SLC16A10: variants seen among roughly 807,000 people sequenced by gnomAD.
SLC16A10 encodes monocarboxylate transporter 10.
A neutral mutation model predicts 40.0 loss-of-function variants in SLC16A10; 27 were observed. That is an observed-to-expected ratio of 0.67 (90% CI 0.50 to 0.93). The LOEUF (loss-of-function observed/expected upper bound fraction) is 0.93, where lower values mean the gene tolerates loss of function less well. Ranked by LOEUF, SLC16A10 falls within the 40% of genes least tolerant of loss-of-function variation. The pLI, the probability that SLC16A10 is intolerant of heterozygous loss-of-function variation, is 0.00. For missense variants in SLC16A10, 529 were observed against 658.2 expected, an observed-to-expected ratio of 0.80 and a Z score of 2.15; for synonymous variants, 213 against 249.8, an observed-to-expected ratio of 0.85 and a Z score of 1.39.
intron 1 of SLC16A10, among the ~76,000 whole-genome samples, chr6:111,168,501 G>A (rs560611672): frequency 2.0e-4 from 30 of 152,266 alleles, no homozygotes; most frequent in African/African-American, 7.0e-4. Flanking sequence ...AGACTTGGAA[G>A]GGGTGAAAGA....
rs139179356 is a variant in SLC16A10 at position 111,102,138 on chromosome 6, T to C, written c.343+14043T>C. 9.8e-5 allele frequency among the ~76,000 whole-genome samples: 15 copies of C among 152,358 alleles called. No homozygotes were observed. The East Asian group carries it at 2.7e-3, about 27-fold the overall frequency. ...ACAACATATGTAGCATATCTGTATA[T>C]GTCGTCGAACAAATTGTTTTTTTCC... On this transcript the variant is annotated intron_variant, in intron 1 of 5. Transcript: ENST00000368851.
chr6:111,092,403 A>G (rs899961224), intron 1 of SLC16A10, among the ~76,000 whole-genome samples: 1 of 134,748 alleles, frequency 7.4e-6, no homozygotes, highest in Non-Finnish European at 1.5e-5. Context: ...CACTGCAACC[A>G]CTGCCTCCCG....
intron 3 of SLC16A10, among the ~76,000 whole-genome samples, chr6:111,193,483 T>C (rs354542): frequency 0.77 from 116,988 of 152,058 alleles, 45,793 homozygotes; most frequent in Non-Finnish European, 0.85. Context: ...CAAAACAAGC[T>C]TGTTTTTTCT....
At chr6:111,138,672 A>G (rs1771925488) in intron 1 of SLC16A10, among the ~76,000 whole-genome samples, 1 of 151,272 alleles carries the variant, frequency 6.6e-6, no homozygotes, top group Non-Finnish European at 1.5e-5. Flanking sequence ...TTTTTAAGAC[A>G]GGGTCTTGCT....
intron 1 of SLC16A10, among the ~76,000 whole-genome samples, chr6:111,157,210 C>T (rs575739611): frequency 2.8e-4 from 43 of 152,170 alleles, no homozygotes; most frequent in African/African-American, 6.7e-4. Flanking sequence ...TGAGCCACCG[C>T]GCCCAGACAA....
At chr6:111,196,126 C>T (rs1329559886) in intron 3 of SLC16A10, among the ~76,000 whole-genome samples, 1 of 152,158 alleles carries the variant, frequency 6.6e-6, no homozygotes, top group African/African-American at 2.4e-5. Context: ...CACCTGAGGT[C>T]AGGAGTTCGA....
rs1770889133 is a variant in SLC16A10, at chr6:111,087,602, T to TGCGCGCTGCCAGCCCGCCCGCCC, written c.-148_-126dup. 2 of 326,344 alleles carry TGCGCGCTGCCAGCCCGCCCGCCC rather than the reference T, an allele frequency of 6.1e-6. No individual in the cohort carries two copies. Among genetic ancestry groups the TGCGCGCTGCCAGCCCGCCCGCCC allele is most frequent in the Non-Finnish European group, 1.0e-5 (2 of 193,356 alleles). The allele number at this position is 326,344 out of a possible 1,614,324, so 20.2% of individuals were successfully genotyped here. A position where few individuals can be genotyped will look rare whatever the true frequency, so the allele number is the denominator to read the frequency against. Reference sequence around the variant, plus strand: ...CGCGGCCGCCTGCGCGCTGGCCGCCTGCGCGCTGCCAGCCCGCCCGCCCGC... The same window carrying TGCGCGCTGCCAGCCCGCCCGCCC: ...CGCGGCCGCCTGCGCGCTGGCCGCCTGCGCGCTGCCAGCCCGCCCGCCCGCGCGCTGCCAGCCCGCCCGCCCGC... On this transcript the variant is annotated 5_prime_UTR_variant, in exon 1 of 6. Coordinates refer to ENST00000368851, the MANE Select transcript of SLC16A10 (RefSeq NM_018593.5).
At position 111,230,602 on chromosome 6, in the gene SLC16A10, G is replaced by A. The variant is rs376063093; in HGVS notation, c.*8367G>A. ...AGATGTGTAAGATTGTAGAGGCATTGCACAATGCTTGATAAAAGTTGCATT... is the reference window on the plus strand; with the variant it reads ...AGATGTGTAAGATTGTAGAGGCATTACACAATGCTTGATAAAAGTTGCATT... On this transcript the variant is annotated 3_prime_UTR_variant, in exon 6 of 6. Transcript: ENST00000368851. 1 of 152,152 alleles carries A rather than the reference G, an allele frequency of 6.6e-6. No individual in the cohort carries two copies. The highest frequency in any genetic ancestry group is 1.9e-4 in the East Asian group (1 of 5,192). The allele number at this position is 152,152 out of a possible 1,614,324, so 9.4% of individuals were successfully genotyped here. A position where few individuals can be genotyped will look rare whatever the true frequency, so the allele number is the denominator to read the frequency against.
intron 5 of SLC16A10, 55 bp from the exon 6 acceptor site, chr6:111,221,948 A>T: frequency 6.5e-7 from 1 of 1,534,334 alleles, no homozygotes; most frequent in Non-Finnish European, 8.7e-7. Context: ...GCTGATCTAG[A>T]CCCCCTACAG....
At position 111,230,656 on chromosome 6, in the gene SLC16A10, T is replaced by G. The variant is rs1045608007; in HGVS notation, c.*8421T>G. The G allele has an allele frequency of 6.6e-6, 1 of 152,234 alleles. No individual in the cohort carries two copies. Among genetic ancestry groups the G allele is most frequent in the African/African-American group, 2.4e-5 (1 of 41,462 alleles). The allele number at this position is 152,234 out of a possible 1,614,324, so 9.4% of individuals were successfully genotyped here. A position where few individuals can be genotyped will look rare whatever the true frequency, so the allele number is the denominator to read the frequency against. On this transcript the variant is annotated 3_prime_UTR_variant, in exon 6 of 6. Transcript: ENST00000368851. ...CTTTTGTTCTTCCACCAGTTTATTT[T>G]AGCCTTAAAGTTATAGCTACAACAA...
chr6:111,158,167 T>G (rs1442286438), intron 1 of SLC16A10, among the ~76,000 whole-genome samples: 1 of 152,188 alleles, frequency 6.6e-6, no homozygotes, highest in Non-Finnish European at 1.5e-5. Flanking sequence ...CAAAATGTAG[T>G]CTGTCATTTT....
intron 4 of SLC16A10, among the ~76,000 whole-genome samples, chr6:111,218,398 G>C (rs148242335): frequency 6.6e-6 from 1 of 152,096 alleles, no homozygotes; most frequent in Non-Finnish European, 1.5e-5. Flanking sequence ...GCCCAACATG[G>C]GGAAGCCCCA....
Position 111,227,263 on chromosome 6 carries a change from G to A in SLC16A10, c.*5028G>A, listed in dbSNP as rs1353405685. The A allele has an allele frequency of 6.6e-6, 1 of 152,220 alleles. No homozygotes were observed. Among genetic ancestry groups the A allele is most frequent in the Non-Finnish European group, 1.5e-5 (1 of 68,048 alleles). The allele number at this position is 152,220 out of a possible 1,614,324, so 9.4% of individuals were successfully genotyped here. A position where few individuals can be genotyped will look rare whatever the true frequency, so the allele number is the denominator to read the frequency against. ...ATAACAAGGTAGACAAGCAGGCCCT[G>A]GGCTCACTATAATTTCATAGCCACG... On this transcript the variant is annotated 3_prime_UTR_variant, in exon 6 of 6. Coordinates refer to ENST00000368851, the MANE Select transcript of SLC16A10 (RefSeq NM_018593.5).
chr6:111,157,475 G>A (rs1772291974), intron 1 of SLC16A10, among the ~76,000 whole-genome samples: 1 of 151,852 alleles, frequency 6.6e-6, no homozygotes, highest in South Asian at 2.1e-4. Flanking sequence ...AGTAGAGATG[G>A]GTTTCATTAT....
chr6:111,221,931 T>A, intron 5 of SLC16A10, 72 bp from the exon 6 acceptor site: 2 of 1,402,738 alleles, frequency 1.4e-6, no homozygotes, highest in South Asian at 2.8e-5. Context: ...TCTGAATCAG[T>A]CCTGTGGCTG....
chr6:111,097,773 G>A (rs891752860), intron 1 of SLC16A10, among the ~76,000 whole-genome samples: 1 of 152,142 alleles, frequency 6.6e-6, no homozygotes, highest in Non-Finnish European at 1.5e-5. Context: ...GAGCTGTGCC[G>A]CTTTCCTCCT....
chr6:111,222,061 T>C lies in SLC16A10; in HGVS notation c.1374T>C (p.Pro458=). 6.2e-7 allele frequency: 1 copy of C among 1,610,836 alleles called. No individual in the cohort carries two copies. The highest frequency in any genetic ancestry group is 8.5e-7 in the Non-Finnish European group (1 of 1,179,168). ...TGGCATTCTACCTCGCTGGAGTCCC[T>C]CCCCTTATTGGAGGTGCTGTGCTTT... ...YDVAFYLAGV[P]PLIGGAVLCF... is the part of the protein sequence containing the mutation. Residue 458 remains proline (P), a synonymous_variant, in exon 6 of 6, where the codon CCT becomes CCC. Coordinates refer to ENST00000368851, the MANE Select transcript of SLC16A10 (RefSeq NM_018593.5).
chr6:111,137,845 G>T (rs1031752977), intron 1 of SLC16A10, among the ~76,000 whole-genome samples: 1 of 152,190 alleles, frequency 6.6e-6, no homozygotes, highest in Admixed American at 6.5e-5. Flanking sequence ...GGCTTGCAAC[G>T]TAGCTCACAC....
intron 3 of SLC16A10, among the ~76,000 whole-genome samples, chr6:111,191,204 G>A (rs561946239): frequency 4.6e-5 from 7 of 152,156 alleles, no homozygotes; most frequent in African/African-American, 1.7e-4. Flanking sequence ...GGAATGTGAT[G>A]TTCCCCTCCC....
Sources: allele counts gnomAD v4.1 joint callset (sites outside exome capture counted in the v4.1 genomes callset), GRCh38; gene constraint gnomAD v4.1.1; transcripts MANE v1.5; gene names NCBI Gene and HGNC (gene_info 2026-07-23, HGNC 2026-07-21).